Variants in TFDP2 observed in about 807,000 individuals in gnomAD.
The protein encoded by TFDP2 is transcription factor Dp-2.
A neutral mutation model predicts 59.3 loss-of-function variants in TFDP2; 17 were observed. That is an observed-to-expected ratio of 0.29 (90% confidence interval 0.20 to 0.43). The LOEUF is 0.43. Ranked by LOEUF, TFDP2 falls within the 20% of genes least tolerant of loss-of-function variation. The pLI is 1.00. For synonymous variants in TFDP2, 180 were observed against 194.7 expected, an observed-to-expected ratio of 0.92 and a Z score of 0.63; for missense variants, 391 against 528.8, an observed-to-expected ratio of 0.74 and a Z score of 2.56.
chr3:142,003,017 T>G (rs1047501639), intron 4 of TFDP2, among the ~76,000 whole-genome samples: 8 of 152,040 alleles, frequency 5.3e-5, no homozygotes, highest in Non-Finnish European at 1.0e-4. Flanking sequence ...CTTTTTTTTT[T>G]TTTTAGATGG....
intron 7 of TFDP2, among the ~76,000 whole-genome samples, chr3:141,974,821 A>G (rs1940350566): frequency 6.6e-6 from 1 of 151,930 alleles, no homozygotes; most frequent in African/African-American, 2.4e-5. Flanking sequence ...TCCAATCTAC[A>G]ATGGGACTAG....
intron 1 of TFDP2, among the ~76,000 whole-genome samples, chr3:142,122,863 AAATT>A (rs1394674542): frequency 4.6e-5 from 7 of 152,330 alleles, no homozygotes; most frequent in Admixed American, 3.9e-4. Flanking sequence ...ATAGCTATTA[AAATT>A]AATTAATTGC....
At chr3:142,147,025 G>C (rs2063204475) in intron 1 of TFDP2, among the ~76,000 whole-genome samples, 1 of 130,304 alleles carries the variant, frequency 7.7e-6, no homozygotes, top group African/African-American at 3.0e-5. Context: ...AGGAGTTCCA[G>C]ACAAGCCTGA....
intron 3 of TFDP2, among the ~76,000 whole-genome samples, chr3:142,077,288 C>A (rs1291526303): frequency 6.6e-6 from 1 of 152,192 alleles, no homozygotes; most frequent in Non-Finnish European, 1.5e-5. Context: ...AGTCCTAGTG[C>A]TGTGCTGGGC....
chr3:142,082,687 T>G (rs542594637), intron 3 of TFDP2, among the ~76,000 whole-genome samples: 2 of 152,348 alleles, frequency 1.3e-5, no homozygotes, highest in East Asian at 3.9e-4. Flanking sequence ...CCAAGTGGGA[T>G]GTATCCCAGA....
intron 6 of TFDP2, among the ~76,000 whole-genome samples, chr3:141,983,178 G>T (rs1941669272): frequency 6.6e-6 from 1 of 152,146 alleles, no homozygotes; most frequent in Non-Finnish European, 1.5e-5. Flanking sequence ...AACAAAGGAG[G>T]TTAAAAGAGT....
intron 3 of TFDP2, among the ~76,000 whole-genome samples, chr3:142,064,616 T>G (rs771251176): frequency 4.0e-4 from 61 of 152,226 alleles, no homozygotes; most frequent in African/African-American, 1.4e-3. Context: ...GATTTACATG[T>G]CTGCAGTGTC....
At chr3:142,128,137 T>C (rs192925174) in intron 1 of TFDP2, among the ~76,000 whole-genome samples, 10 of 152,044 alleles carry the variant, frequency 6.6e-5, no homozygotes, top group African/African-American at 2.4e-4. Flanking sequence ...CCCCGGAACT[T>C]GAGGTTACAA....
chr3:142,142,447 AAG>A (rs1255200861), intron 1 of TFDP2, among the ~76,000 whole-genome samples: 80 of 152,350 alleles, frequency 5.3e-4, no homozygotes, highest in African/African-American at 1.9e-3. Flanking sequence ...AAAGAAATTG[AAG>A]AGGACACCAA....
At chr3:142,130,755 A>C (rs2062471751) in intron 1 of TFDP2, among the ~76,000 whole-genome samples, 1 of 152,026 alleles carries the variant, frequency 6.6e-6, no homozygotes, top group Non-Finnish European at 1.5e-5. Context: ...TGTGTACTTA[A>C]AAATGGTTAA....
intron 3 of TFDP2, among the ~76,000 whole-genome samples, chr3:142,092,470 G>A (rs753369737): frequency 2.6e-5 from 4 of 152,020 alleles, no homozygotes; most frequent in Admixed American, 6.6e-5. Context: ...GGGACTACAG[G>A]TACACATCAC....
chr3:142,042,633 T>G (rs1217634344), intron 3 of TFDP2, among the ~76,000 whole-genome samples: 5 of 95,798 alleles, frequency 5.2e-5, no homozygotes. Context: ...TTCTTTTCTT[T>G]TTTTTTTTTT....
At chr3:141,954,339 A>G (rs775792531) in intron 11 of TFDP2, among the ~76,000 whole-genome samples, 2 of 152,042 alleles carry the variant, frequency 1.3e-5, no homozygotes, top group Non-Finnish European at 2.9e-5. Flanking sequence ...CAGTAACTGG[A>G]ACATGTAAGA....
At chr3:142,088,444 T>C (rs2060881388) in intron 3 of TFDP2, among the ~76,000 whole-genome samples, 1 of 151,234 alleles carries the variant, frequency 6.6e-6, no homozygotes, top group African/African-American at 2.4e-5. Context: ...GATTCTTGTG[T>C]CTCTGCCACC....
intron 7 of TFDP2, among the ~76,000 whole-genome samples, 189 bp downstream of exon 7, chr3:141,978,331 T>A (rs1450639235): frequency 1.4e-5 from 2 of 143,948 alleles, no homozygotes; most frequent in African/African-American, 5.3e-5. Context: ...GGCGACAGAG[T>A]GAGGTTCCGC....
chr3:142,074,737 G>A (rs553687915), intron 3 of TFDP2, among the ~76,000 whole-genome samples: 2 of 151,404 alleles, frequency 1.3e-5, no homozygotes, highest in East Asian at 2.0e-4. Flanking sequence ...CTGCAATCCC[G>A]GCTACTCGGG....
intron 3 of TFDP2, among the ~76,000 whole-genome samples, chr3:142,042,761 A>T (rs1162725033): frequency 4.9e-5 from 4 of 82,000 alleles, no homozygotes; most frequent in Non-Finnish European, 6.7e-5. Flanking sequence ...TTTTTTTGAG[A>T]CGGAGTTTCG....
chr3:142,002,248 G>T (rs1943845303), intron 4 of TFDP2, among the ~76,000 whole-genome samples: 1 of 151,348 alleles, frequency 6.6e-6, no homozygotes, highest in South Asian at 2.1e-4. Flanking sequence ...GCCAGCCTTG[G>T]CCTCCCAAAG....
intron 9 of TFDP2, among the ~76,000 whole-genome samples, chr3:141,968,144 G>C (rs1032720093): frequency 6.7e-6 from 1 of 149,130 alleles, no homozygotes; most frequent in African/African-American, 2.5e-5. Context: ...AGGAGTGTTT[G>C]GTAGAATTCT....
Sources: gnomAD v4.1 joint callset for allele counts (sites outside exome capture counted in the v4.1 genomes callset) on GRCh38, gnomAD v4.1.1 for gene constraint, MANE v1.5 for transcripts, NCBI Gene and HGNC (gene_info 2026-07-23, HGNC 2026-07-21) for gene names.